The following SAMD3 variants were observed in gnomAD, a reference collection of about 807,000 sequenced individuals.
The protein encoded by SAMD3 is sterile alpha motif domain containing 3, also known as sterile alpha motif domain-containing protein 3.
A neutral mutation model predicts 58.5 loss-of-function variants in SAMD3; 63 were observed. That is an observed-to-expected ratio of 1.08 (90% confidence interval 0.88 to 1.33). SAMD3 has a LOEUF of 1.33. Ranked by LOEUF, SAMD3 falls within the 40% of genes most tolerant of loss-of-function variation. SAMD3 has a pLI of 0.00. For missense variants in SAMD3, 604 were observed against 608.4 expected, an observed-to-expected ratio of 0.99 and a Z score of 0.08; for synonymous variants, 220 against 210.3, an observed-to-expected ratio of 1.05 and a Z score of -0.40.
chr6:130,270,622 T>C (rs574133670), intron 2 of SAMD3, among the ~76,000 whole-genome samples: 7 of 152,330 alleles, frequency 4.6e-5, no homozygotes, highest in Admixed American at 1.3e-4. Flanking sequence ...ATGCATAGTC[T>C]AAACATCACT....
At chr6:130,272,462 C>T (rs2114938067) in intron 2 of SAMD3, among the ~76,000 whole-genome samples, 1 of 152,224 alleles carries the variant, frequency 6.6e-6, no homozygotes, top group South Asian at 2.1e-4. Flanking sequence ...GTGTTCTAAA[C>T]AGCCACCTCC....
intron 1 of SAMD3, among the ~76,000 whole-genome samples, chr6:130,324,925 C>G (rs1241333608): frequency 6.6e-6 from 1 of 152,106 alleles, no homozygotes; most frequent in Non-Finnish European, 1.5e-5. Context: ...GCCAAGGAGC[C>G]AGGGGTTCTT....
chr6:130,335,242 G>T (rs1232113471), intron 1 of SAMD3, among the ~76,000 whole-genome samples: 1 of 152,142 alleles, frequency 6.6e-6, no homozygotes, highest in Non-Finnish European at 1.5e-5. Flanking sequence ...TCCAAAACCA[G>T]AAAACAATGT....
intron 3 of SAMD3, among the ~76,000 whole-genome samples, 159 bp downstream of exon 3, chr6:130,215,036 A>T (rs1033267408): frequency 2.6e-5 from 4 of 152,222 alleles, no homozygotes. Context: ...AAACTCTGCT[A>T]CAGTCCATAA....
In SAMD3 at chr6:130,184,110, C is replaced by G. The variant is rs755551481; in HGVS notation, c.647G>C (p.Cys216Ser). 6.2e-7 allele frequency: 1 copy of G among 1,613,596 alleles called. No individual in the cohort carries two copies. ...QAHPFLDEDG[C>S]GFFLWKRALK... ...TGCCATGTGGTCACTTACGAAGCCA[C>G]AGCCATCCTCATCCAGGAAAGGGTG... The change falls in exon 7 of 12, where the codon TGT (cysteine) becomes TCT (serine). Residue 216 changes from cysteine to serine, a missense_variant. Coordinates refer to ENST00000439090, the MANE Select transcript of SAMD3 (RefSeq NM_001017373.4).
At chr6:130,279,176 C>G (rs1157479928) in intron 2 of SAMD3, among the ~76,000 whole-genome samples, 1 of 152,090 alleles carries the variant, frequency 6.6e-6, no homozygotes, top group Non-Finnish European at 1.5e-5. Flanking sequence ...AGTTCCTGTT[C>G]CTGGTACTCC....
At chr6:130,347,438 C>T (rs556799760) in intron 1 of SAMD3, among the ~76,000 whole-genome samples, 28 of 152,252 alleles carry the variant, frequency 1.8e-4, no homozygotes, top group African/African-American at 6.3e-4. Flanking sequence ...ATGCACAAGC[C>T]TCAGTAGCCA....
chr6:130,341,966 T>C (rs535804241), intron 1 of SAMD3, among the ~76,000 whole-genome samples: 403 of 152,358 alleles, frequency 2.6e-3, no homozygotes, highest in Admixed American at 4.6e-3. Flanking sequence ...AAAGAGTTCC[T>C]ACAAAGCAAA....
At chr6:130,186,099 CA>C (rs910088960) in intron 5 of SAMD3, among the ~76,000 whole-genome samples, 1 of 152,042 alleles carries the variant, frequency 6.6e-6, no homozygotes, top group African/African-American at 2.4e-5. Flanking sequence ...AACAATTAAT[CA>C]AAGGCACTAG....
chr6:130,258,970 T>A (rs1055332051), intron 2 of SAMD3, among the ~76,000 whole-genome samples: 24 of 152,230 alleles, frequency 1.6e-4, no homozygotes, highest in African/African-American at 5.3e-4. Context: ...ATCTACCATT[T>A]TATGACTTTT....
chr6:130,322,835 G>C (rs180709557), intron 1 of SAMD3, among the ~76,000 whole-genome samples: 1 of 152,300 alleles, frequency 6.6e-6, no homozygotes, highest in Non-Finnish European at 1.5e-5. Flanking sequence ...AACAATTTCT[G>C]TCAATCGTGG....
chr6:130,305,574 T>G (rs2114980278), intron 2 of SAMD3, among the ~76,000 whole-genome samples: 1 of 152,290 alleles, frequency 6.6e-6, no homozygotes, highest in East Asian at 1.9e-4. Flanking sequence ...GTTATGAACA[T>G]TCAATTCTAC....
intron 2 of SAMD3, among the ~76,000 whole-genome samples, chr6:130,264,827 GA>G (rs1167540867): frequency 6.6e-6 from 1 of 151,898 alleles, no homozygotes; most frequent in Non-Finnish European, 1.5e-5. Context: ...TACCTGACCT[GA>G]CAAAACCCTT....
intron 1 of SAMD3, among the ~76,000 whole-genome samples, chr6:130,313,910 C>A (rs1265603058): frequency 6.6e-6 from 1 of 152,220 alleles, no homozygotes. Flanking sequence ...CATCTGCTTT[C>A]TTGACTCTAA....
intron 2 of SAMD3, among the ~76,000 whole-genome samples, chr6:130,311,135 G>A (rs1004974830): frequency 4.6e-5 from 7 of 152,066 alleles, no homozygotes; most frequent in African/African-American, 7.2e-5. Flanking sequence ...ATGCACCTAC[G>A]GAGGGGAGGA....
intron 5 of SAMD3, among the ~76,000 whole-genome samples, chr6:130,194,689 G>C (rs1793914110): frequency 6.6e-6 from 1 of 152,158 alleles, no homozygotes; most frequent in Admixed American, 6.5e-5. Context: ...CGTCCCATCT[G>C]TGCAGGACCC....
chr6:130,143,540 G>A (rs888925889), downstream of SAMD3, among the ~76,000 whole-genome samples: 1 of 151,928 alleles, frequency 6.6e-6, no homozygotes, highest in African/African-American at 2.4e-5. Context: ...CACCGTGCCC[G>A]GCCCACATGA....
chr6:130,221,649 C>T (rs1796230578), intron 1 of SAMD3: 1 of 152,042 alleles, frequency 6.6e-6, no homozygotes, highest in African/African-American at 2.4e-5. Flanking sequence ...GGAAGTGGAT[C>T]ATCATAAAGA....
At chr6:130,174,663 A>G (rs1197327467) in intron 8 of SAMD3, among the ~76,000 whole-genome samples, 3 of 152,222 alleles carry the variant, frequency 2.0e-5, no homozygotes, top group Non-Finnish European at 4.4e-5. Flanking sequence ...AAGATTGCCA[A>G]ATAAATATGA....
Sources: allele counts gnomAD v4.1 joint callset (sites outside exome capture counted in the v4.1 genomes callset), GRCh38; gene constraint gnomAD v4.1.1; transcripts MANE v1.5; gene names NCBI Gene and HGNC (gene_info 2026-07-23, HGNC 2026-07-21).